DENND2B: variants seen among roughly 807,000 people sequenced by gnomAD.
DENND2B encodes the protein DENN domain-containing protein 2B.
In DENND2B, 32 loss-of-function variants were observed where a neutral mutation model predicts 116.0. The ratio of observed to expected loss-of-function variants is 0.28; its 90% CI spans 0.21 to 0.37. DENND2B has a LOEUF of 0.37. DENND2B is among the 10% of genes least tolerant of loss of function. The probability of loss-of-function intolerance (pLI) is 1.00; values close to 1 mark genes in which losing one functional copy is unlikely to be tolerated. For missense variants in DENND2B, 1,276 were observed against 1,477.7 expected (o/e 0.86, Z 2.24); for synonymous variants, 588 against 583.9 (o/e 1.01, Z -0.10).
chr11:8,797,432 T>C (rs576027141), intron 1 of DENND2B, among the ~76,000 whole-genome samples: 1 of 132,034 alleles, frequency 7.6e-6, no homozygotes, highest in East Asian at 2.5e-4. Context: ...TCTTATCCCC[T>C]TCCCCCTTCT....
intron 3 of DENND2B, among the ~76,000 whole-genome samples, chr11:8,728,868 G>A (rs2047590596): frequency 6.6e-6 from 1 of 152,182 alleles, no homozygotes; most frequent in South Asian, 2.1e-4. Context: ...GTGCACAGCA[G>A]GCTCTAGAAG....
rs1274456052 is a variant in DENND2B, at chr11:8,730,966, C to T, written c.324G>A (p.Ala108=). Residue 108 remains alanine, a synonymous_variant, in exon 3 of 20, where the codon GCG becomes GCA. Transcript: ENST00000313726. This position sits in a 1 kb window ranked among gnomAD's most constrained non-coding sequence, Gnocchi z 4.1. ...SFGYLDRSPS[A]CKRDAQKESV... is the part of the protein sequence containing the mutation. ...TTTCCTTTTGGGCGTCTCTCTTGCACGCCGAAGGGCTTCTGTCCAAATAAC... is the reference window on the plus strand; with the variant it reads ...TTTCCTTTTGGGCGTCTCTCTTGCATGCCGAAGGGCTTCTGTCCAAATAAC... 1 of 1,614,216 alleles carries T rather than the reference C, an allele frequency of 6.2e-7. No individual in the cohort carries two copies. Among genetic ancestry groups the T allele is most frequent in the Admixed American group, 1.7e-5 (1 of 60,036 alleles).
At chr11:8,826,163 G>T (rs2061972204) in intron 4 of DENND2B, among the ~76,000 whole-genome samples, 1 of 152,138 alleles carries the variant, frequency 6.6e-6, no homozygotes, top group Admixed American at 6.5e-5. Flanking sequence ...AACGCTCACA[G>T]AAAGAAGAGA....
intron 1 of DENND2B, among the ~76,000 whole-genome samples, chr11:8,795,200 G>C (rs913274242): frequency 3.9e-5 from 6 of 152,330 alleles, no homozygotes; most frequent in African/African-American, 1.4e-4. Flanking sequence ...GGTGAGAAGA[G>C]TCATTGAGAG....
At chr11:8,794,893 G>A (rs1274507218) in intron 1 of DENND2B, 1 of 152,280 alleles carries the variant, frequency 6.6e-6, no homozygotes, top group East Asian at 1.9e-4. Context: ...GCTGCCAACT[G>A]TGGACTTTGC....
chr11:8,706,285 C>G (rs999477683), intron 13 of DENND2B, among the ~76,000 whole-genome samples: 1 of 152,110 alleles, frequency 6.6e-6, no homozygotes, highest in Non-Finnish European at 1.5e-5. Context: ...TGAAAATATA[C>G]GTCAGATCTT....
intron 1 of DENND2B, among the ~76,000 whole-genome samples, chr11:8,762,565 T>C (rs1033133998): frequency 9.2e-5 from 14 of 152,204 alleles, no homozygotes; most frequent in African/African-American, 3.1e-4. Flanking sequence ...AATTGCTCTC[T>C]GAAAAGCTTA....
chr11:8,722,914 A>C (rs970404294), intron 4 of DENND2B, among the ~76,000 whole-genome samples: 29 of 152,156 alleles, frequency 1.9e-4, no homozygotes, highest in African/African-American at 7.0e-4. Context: ...TCCAGAAGCC[A>C]GGTGAGCAGC....
chr11:8,731,326 A>C, intron 2 of DENND2B, 117 bp from the exon 3 acceptor site: 2 of 1,006,690 alleles, frequency 2.0e-6, no homozygotes. Flanking sequence ...GAGGACTCTC[A>C]AAGAGTATTC....
rs77783163 is a variant in DENND2B at position 8,843,024 on chromosome 11, C to CTT, written c.-155-3676_-155-3675dup. ...AATTAGAGTTGCTCTTCTTTTCTCT[C>CTT]TTTTTTTTTTGAAATGCAGTCTCAC... On this transcript the variant is annotated intron_variant, in intron 3 of 6. Coordinates refer to the DENND2B transcript ENST00000524757. Among the ~76,000 whole-genome samples the CTT allele has an allele frequency of 1.1e-4, 16 of 149,498 alleles. No individual in the cohort carries two copies. The South Asian group carries it at 1.5e-3, about 14-fold the overall frequency.
At chr11:8,714,192 C>T in intron 7 of DENND2B, 150 bp from the exon 8 acceptor site, 1 of 777,036 alleles carries the variant, frequency 1.3e-6, no homozygotes, top group Non-Finnish European at 2.2e-6. Context: ...AGGCAGGGAG[C>T]TGAGTGGCCT....
chr11:8,789,671 A>G (rs926183479), intron 1 of DENND2B, among the ~76,000 whole-genome samples: 4 of 152,210 alleles, frequency 2.6e-5, no homozygotes, highest in Non-Finnish European at 5.9e-5. Context: ...CCAAAGAAAC[A>G]ATCAGACAAA....
At chr11:8,760,509 T>C (rs563105635) in intron 1 of DENND2B, among the ~76,000 whole-genome samples, 1 of 152,180 alleles carries the variant, frequency 6.6e-6, no homozygotes, top group South Asian at 2.1e-4. Flanking sequence ...CCCCAGCTAC[T>C]TGGGAGCCTG....
At chr11:8,762,246 T>C (rs1248414650) in intron 1 of DENND2B, among the ~76,000 whole-genome samples, 1 of 152,196 alleles carries the variant, frequency 6.6e-6, no homozygotes, top group Non-Finnish European at 1.5e-5. Context: ...CAACTACTCT[T>C]TCTCCTTCAC....
At chr11:8,751,639 G>T (rs542354275) in intron 1 of DENND2B, among the ~76,000 whole-genome samples, 1 of 152,084 alleles carries the variant, frequency 6.6e-6, no homozygotes, top group Non-Finnish European at 1.5e-5. Context: ...CGGCCTTTAA[G>T]AACTGTAACA....
chr11:8,713,590 C>T (rs1400528329), intron 8 of DENND2B, among the ~76,000 whole-genome samples: 1 of 152,138 alleles, frequency 6.6e-6, no homozygotes, highest in Non-Finnish European at 1.5e-5. Flanking sequence ...CCATCTTAGC[C>T]AGGCTGGTCT....
intron 2 of DENND2B, among the ~76,000 whole-genome samples, chr11:8,742,348 G>A (rs1321803253): frequency 6.6e-6 from 1 of 152,120 alleles, no homozygotes; most frequent in African/African-American, 2.4e-5. Context: ...GAGGTGGGTG[G>A]TTGGCAGTAG....
intron 4 of DENND2B, among the ~76,000 whole-genome samples, chr11:8,836,548 A>G (rs2062435780): frequency 1.3e-5 from 2 of 149,580 alleles, no homozygotes; most frequent in Admixed American, 6.7e-5. Context: ...CAGCCTCCCA[A>G]GTAGCTGTGA....
chr11:8,753,891 T>G (rs1230562291), intron 1 of DENND2B, among the ~76,000 whole-genome samples: 2 of 152,048 alleles, frequency 1.3e-5, no homozygotes, highest in Non-Finnish European at 2.9e-5. Context: ...CATACCATAT[T>G]TAAAAATAAA....
Sources: gnomAD v4.1 joint callset for allele counts (sites outside exome capture counted in the v4.1 genomes callset) on GRCh38, gnomAD v4.1.1 for gene constraint, Gnocchi (gnomAD v3.1) non-coding constraint, MANE v1.5 for transcripts, NCBI Gene and HGNC (gene_info 2026-07-23, HGNC 2026-07-21) for gene names.